TMEM117: variants seen among roughly 807,000 people sequenced by gnomAD.
The protein encoded by TMEM117 is transmembrane protein 117.
In TMEM117, 27 loss-of-function variants were observed where a neutral mutation model predicts 52.4. That is an observed-to-expected ratio of 0.51 (90% CI 0.38 to 0.71). The LOEUF is 0.71. Ranked by LOEUF, TMEM117 falls within the 30% of genes least tolerant of loss-of-function variation. The pLI is 0.00. For missense variants in TMEM117, 556 were observed against 630.5 expected, an observed-to-expected ratio of 0.88 and a Z score of 1.26; for synonymous variants, 215 against 206.3, an observed-to-expected ratio of 1.04 and a Z score of -0.36.
intron 5 of TMEM117, among the ~76,000 whole-genome samples, chr12:44,223,082 G>A (rs989804573): frequency 6.7e-6 from 1 of 149,990 alleles, no homozygotes; most frequent in African/African-American, 2.5e-5. Flanking sequence ...AGGGGTACAA[G>A]TGCAGGTTTG....
intron 2 of TMEM117, among the ~76,000 whole-genome samples, chr12:43,904,331 A>G (rs1198173672): frequency 2.0e-5 from 3 of 152,162 alleles, no homozygotes; most frequent in African/African-American, 7.2e-5. Flanking sequence ...CTATGATGGT[A>G]CCACTGCACT....
chr12:44,388,617 G>C lies in TMEM117; in HGVS notation c.1490G>C (p.Ser497Thr). 6.2e-7 allele frequency: 1 copy of C among 1,613,410 alleles called. No homozygotes were observed. The highest frequency in any genetic ancestry group is 1.1e-5 in the South Asian group (1 of 91,068). Residue 497 changes from serine to threonine, a missense_variant, in exon 8 of 8, where the codon AGT (serine) becomes ACT (threonine). This residue lies in a region of TMEM117 where 206 missense variants were observed against 211.1 expected (regional missense o/e 0.98). Coordinates refer to ENST00000266534, the MANE Select transcript of TMEM117 (RefSeq NM_032256.3). ...NLSSQLNEST[S>T]ATEADQDPTT... ...AGCTCACAGTTGAACGAATCTACTA[G>C]TGCAACAGAAGCTGATCAAGACCCA...
rs10565033 is a variant in TMEM117 at position 44,253,835 on chromosome 12, TACACACACACAC to T, written c.608+42479_608+42490del. Among the ~76,000 whole-genome samples, 803 of 136,326 alleles carry T rather than the reference TACACACACACAC, an allele frequency of 5.9e-3. 3 individuals are homozygous for T. The highest frequency in any genetic ancestry group is 9.0e-3 in the Non-Finnish European group (555 of 61,866). The allele number at this position is 136,326 out of a possible 152,430, so 89.4% of individuals were successfully genotyped here. ...GCTACTGTGCTATACTGATAATTCC[TACACACACACAC>T]ACACACACACACACACACACACACA... is the stretch of plus-strand genomic sequence containing the variant. On this transcript the variant is annotated intron_variant, in intron 5 of 7. Transcript: ENST00000266534.
chr12:44,033,538 T>C (rs1457561391), intron 3 of TMEM117, among the ~76,000 whole-genome samples: 1 of 152,208 alleles, frequency 6.6e-6, no homozygotes, highest in Non-Finnish European at 1.5e-5. Flanking sequence ...AGTCATAATA[T>C]GTCCTAGCTG....
the TMEM117 span, chr12:43,798,494 A>T: frequency 7.1e-7 from 1 of 1,416,414 alleles, no homozygotes; most frequent in Admixed American, 3.0e-5. Context: ...TTTTAAAAAA[A>T]TGAATGGAGA....
At chr12:44,185,306 A>C in intron 4 of TMEM117, among the ~76,000 whole-genome samples, 1 of 152,318 alleles carries the variant, frequency 6.6e-6, no homozygotes, top group Non-Finnish European at 1.5e-5. Flanking sequence ...TGAGGTCATA[A>C]GCTGAATCAA....
intron 3 of TMEM117, among the ~76,000 whole-genome samples, chr12:44,074,710 A>G (rs11182412): frequency 1.5e-3 from 226 of 152,310 alleles, no homozygotes; most frequent in African/African-American, 5.1e-3. Flanking sequence ...GGTCTAAAGC[A>G]AAAAGATGTT....
At chr12:43,804,425 A>G in the TMEM117 span, 6 of 949,772 alleles carry the variant, frequency 6.3e-6, no homozygotes, top group Non-Finnish European at 9.9e-6. Context: ...CACTGACAAC[A>G]CACAGTAAGT....
intron 5 of TMEM117, among the ~76,000 whole-genome samples, chr12:44,257,759 A>G (rs1299889654): frequency 6.6e-6 from 1 of 152,026 alleles, no homozygotes. Context: ...CTTATTTTAC[A>G]TTTTCCTCTC....
chr12:44,352,382 T>C (rs112346532), intron 6 of TMEM117, among the ~76,000 whole-genome samples: 6,561 of 152,232 alleles, frequency 0.043, 177 homozygotes, highest in African/African-American at 0.075. Flanking sequence ...GCCATGTTGG[T>C]GTGCTGCACC....
intron 3 of TMEM117, among the ~76,000 whole-genome samples, chr12:44,142,572 A>G (rs1948585857): frequency 6.6e-6 from 1 of 152,172 alleles, no homozygotes; most frequent in Non-Finnish European, 1.5e-5. Flanking sequence ...TATCTATTGG[A>G]TGTATTTTAA....
intron 3 of TMEM117, among the ~76,000 whole-genome samples, chr12:44,029,295 G>A (rs1445003388): frequency 6.6e-6 from 1 of 152,246 alleles, no homozygotes; most frequent in East Asian, 1.9e-4. Flanking sequence ...CTAAGAATAG[G>A]TTTGGCACTA....
At chr12:43,844,044 A>G (rs553862467) in intron 1 of TMEM117, among the ~76,000 whole-genome samples, 51 of 152,374 alleles carry the variant, frequency 3.3e-4, no homozygotes, top group Non-Finnish European at 6.6e-4. Context: ...TGTAATAATC[A>G]AAAAGAGGAG....
intron 2 of TMEM117, among the ~76,000 whole-genome samples, chr12:43,864,839 A>G (rs561444078): frequency 6.6e-6 from 1 of 152,284 alleles, no homozygotes; most frequent in South Asian, 2.1e-4. Context: ...GTTTGCAATA[A>G]ATCTTGCTGC....
chr12:44,172,098 G>A (rs1045411702), intron 4 of TMEM117, among the ~76,000 whole-genome samples: 2 of 152,230 alleles, frequency 1.3e-5, no homozygotes, highest in Admixed American at 6.5e-5. Context: ...TTGTTAAGAT[G>A]AATGGATTTT....
At chr12:44,311,789 A>ATG (rs1950983355) in intron 6 of TMEM117, among the ~76,000 whole-genome samples, 1 of 32,872 alleles carries the variant, frequency 3.0e-5, no homozygotes, top group African/African-American at 6.8e-5. Context: ...GTATATATGT[A>ATG]TATATATGTA....
chr12:44,190,187 C>T (rs1487633317), intron 4 of TMEM117, among the ~76,000 whole-genome samples: 3 of 152,276 alleles, frequency 2.0e-5, no homozygotes, highest in Admixed American at 6.5e-5. Context: ...TTTAGTAGCA[C>T]TCAAAATGCT....
intron 3 of TMEM117, among the ~76,000 whole-genome samples, chr12:44,141,016 TC>T (rs1323703696): frequency 5.3e-5 from 8 of 152,296 alleles, no homozygotes; most frequent in Non-Finnish European, 8.8e-5. Flanking sequence ...TGTTGTCTGT[TC>T]TTCACAGTTC....
the TMEM117 span, chr12:43,806,098 G>T: frequency 6.6e-7 from 1 of 1,521,032 alleles, no homozygotes; most frequent in Non-Finnish European, 8.8e-7. Flanking sequence ...GGCCCGGCTC[G>T]CCCCGCGAGA....
Sources: allele counts gnomAD v4.1 joint callset (sites outside exome capture counted in the v4.1 genomes callset), GRCh38; gene constraint gnomAD v4.1.1; regional missense constraint gnomAD v4.1.1; transcripts MANE v1.5; gene names NCBI Gene and HGNC (gene_info 2026-07-23, HGNC 2026-07-21).